The following NKAIN3 variants were observed in gnomAD, a reference collection of about 807,000 sequenced individuals.
NKAIN3 encodes the protein sodium/potassium transporting ATPase interacting 3, also known as sodium/potassium-transporting ATPase subunit beta-1-interacting protein 3.
Under a neutral mutation model 30.2 loss-of-function variants are expected in NKAIN3, and 25 were observed. That is an observed-to-expected ratio of 0.83 (90% confidence interval 0.60 to 1.16). The LOEUF (loss-of-function observed/expected upper bound fraction) is 1.16. NKAIN3 is among the 50% of genes most tolerant of loss of function. NKAIN3 has a pLI of 0.00. For synonymous variants in NKAIN3, 91 were observed against 89.6 expected, an observed-to-expected ratio of 1.02 and a Z score of -0.09; for missense variants, 225 against 254.1, an observed-to-expected ratio of 0.89 and a Z score of 0.78.
chr8:62,458,890 G>A (rs1805901708), intron 1 of NKAIN3, among the ~76,000 whole-genome samples: 1 of 152,126 alleles, frequency 6.6e-6, no homozygotes, highest in African/African-American at 2.4e-5. Context: ...TTTGGAACAG[G>A]TCAATACAAG....
chr8:62,854,639 T>C (rs1218668396), intron 4 of NKAIN3, among the ~76,000 whole-genome samples: 2 of 152,196 alleles, frequency 1.3e-5, no homozygotes, highest in African/African-American at 4.8e-5. Context: ...TGGATCTTGA[T>C]TCTTTATCTG....
At chr8:62,528,932 T>G (rs116261435) in intron 1 of NKAIN3, among the ~76,000 whole-genome samples, 4,336 of 152,156 alleles carry the variant, frequency 0.028, 214 homozygotes, top group African/African-American at 0.099. Context: ...ATTTTATACA[T>G]AAGAAAAATG....
At position 62,314,738 on chromosome 8, in the gene NKAIN3, G is replaced by A. The variant is rs6983555; in HGVS notation, c.54+65611G>A. ...TTTGAGATGCCCTTGTGGTGTTTAC[G>A]TCTTTCTGAATAACATGTTTGCCAC... On this transcript the variant is annotated intron_variant, in intron 1 of 6. Coordinates refer to ENST00000623646, the MANE Select transcript of NKAIN3 (RefSeq NM_001304533.3). 9.0e-3 allele frequency among the ~76,000 whole-genome samples: 1,375 copies of A among 152,208 alleles called. 30 individuals are homozygous for A. Among genetic ancestry groups the A allele is most frequent in the African/African-American group, 0.031 (1,289 of 41,552 alleles).
chr8:62,476,753 C>T (rs1034823008), intron 1 of NKAIN3, among the ~76,000 whole-genome samples: 1 of 152,120 alleles, frequency 6.6e-6, no homozygotes, highest in Admixed American at 6.6e-5. Flanking sequence ...CCATACCCGG[C>T]CTCTATAGTA....
intron 3 of NKAIN3, among the ~76,000 whole-genome samples, chr8:62,698,622 A>G (rs1320067106): frequency 6.6e-6 from 1 of 152,204 alleles, no homozygotes; most frequent in African/African-American, 2.4e-5. Flanking sequence ...TCTACTGTGT[A>G]CAACCAAGTG....
chr8:62,407,411 T>TGTTTGTTTGTTTTTTGTTTTTTG (rs1563384652), intron 1 of NKAIN3, among the ~76,000 whole-genome samples: 2 of 29,476 alleles, frequency 6.8e-5, no homozygotes, highest in African/African-American at 3.0e-4. Flanking sequence ...GTTTTTTTTT[T>TGTTTGTTTGTTTTTTGTTTTTTG]TTTTTTTTGA....
chr8:62,832,380 A>G (rs991390769), intron 4 of NKAIN3, among the ~76,000 whole-genome samples: 16 of 151,920 alleles, frequency 1.1e-4, no homozygotes, highest in Non-Finnish European at 4.4e-5. Context: ...ACTTCACAAT[A>G]GGATCAAAAC....
intron 3 of NKAIN3, among the ~76,000 whole-genome samples, chr8:62,742,416 T>C (rs1480123): frequency 0.027 from 4,086 of 152,246 alleles, 189 homozygotes; most frequent in African/African-American, 0.093. Flanking sequence ...TAAATTTATG[T>C]CTTGCTTTTA....
chr8:62,766,114 T>C (rs561004051), intron 4 of NKAIN3, among the ~76,000 whole-genome samples: 10 of 152,256 alleles, frequency 6.6e-5, no homozygotes, highest in South Asian at 4.1e-4. Context: ...ATAACAGATA[T>C]AAAACATGTT....
At chr8:62,539,045 A>G (rs897406930) in intron 1 of NKAIN3, among the ~76,000 whole-genome samples, 2 of 152,194 alleles carry the variant, frequency 1.3e-5, no homozygotes, top group Non-Finnish European at 2.9e-5. Context: ...TTGGCAAATG[A>G]ATACTTGATA....
intron 1 of NKAIN3, among the ~76,000 whole-genome samples, chr8:62,498,038 A>G (rs966214759): frequency 2.6e-5 from 4 of 152,110 alleles, no homozygotes; most frequent in African/African-American, 9.7e-5. Flanking sequence ...GTGTTTACAA[A>G]TGTACATTGA....
chr8:62,894,240 T>A (rs1260830940), intron 4 of NKAIN3, among the ~76,000 whole-genome samples: 1 of 152,200 alleles, frequency 6.6e-6, no homozygotes, highest in African/African-American at 2.4e-5. Context: ...TGTCAATTAT[T>A]CATGCTAATT....
chr8:62,362,834 T>C (rs1379086890), intron 1 of NKAIN3, among the ~76,000 whole-genome samples: 6 of 151,942 alleles, frequency 3.9e-5, no homozygotes, highest in Non-Finnish European at 8.8e-5. Flanking sequence ...GATATAGAAA[T>C]CGGAAGTGAG....
At chr8:62,561,957 A>G (rs1382082189) in intron 1 of NKAIN3, among the ~76,000 whole-genome samples, 1 of 152,146 alleles carries the variant, frequency 6.6e-6, no homozygotes, top group Non-Finnish European at 1.5e-5. Context: ...CATTATTCCT[A>G]TAAAGAAACT....
chr8:62,400,891 G>T (rs1196710339), intron 1 of NKAIN3, among the ~76,000 whole-genome samples: 1 of 152,018 alleles, frequency 6.6e-6, no homozygotes, highest in African/African-American at 2.4e-5. Context: ...AATGTCTTCA[G>T]ATAGACTTAC....
At chr8:62,731,394 T>C (rs1815460317) in intron 3 of NKAIN3, among the ~76,000 whole-genome samples, 1 of 152,172 alleles carries the variant, frequency 6.6e-6, no homozygotes. Flanking sequence ...TCTCTTACAC[T>C]GAAAATCTTT....
intron 3 of NKAIN3, among the ~76,000 whole-genome samples, chr8:62,719,712 A>G (rs1320460418): frequency 1.3e-5 from 2 of 151,672 alleles, no homozygotes; most frequent in South Asian, 2.1e-4. Context: ...AAGTTGGTTA[A>G]CATTTCCTGT....
intron 3 of NKAIN3, among the ~76,000 whole-genome samples, chr8:62,712,076 T>A (rs1310728609): frequency 6.6e-6 from 1 of 152,180 alleles, no homozygotes; most frequent in East Asian, 1.9e-4. Flanking sequence ...CTGCACAAAG[T>A]CCTGTGATGT....
At chr8:62,528,136 G>A (rs1290183567) in intron 1 of NKAIN3, among the ~76,000 whole-genome samples, 2 of 150,630 alleles carry the variant, frequency 1.3e-5, no homozygotes, top group Non-Finnish European at 3.0e-5. Context: ...GTGTCAGCAT[G>A]GGTGGCCCCC....
Sources: allele counts gnomAD v4.1 joint callset (sites outside exome capture counted in the v4.1 genomes callset), GRCh38; gene constraint gnomAD v4.1.1; transcripts MANE v1.5; gene names NCBI Gene and HGNC (gene_info 2026-07-23, HGNC 2026-07-21).